DHX15: variants seen among roughly 807,000 people sequenced by gnomAD.
The protein encoded by DHX15 is ATP-dependent RNA helicase DHX15.
A neutral mutation model predicts 94.4 loss-of-function variants in DHX15; 11 were observed. The observed-to-expected ratio is 0.12, with a 90% CI of 0.07 to 0.19. The LOEUF is 0.19. Ranked by LOEUF, DHX15 falls within the 10% of genes least tolerant of loss-of-function variation. The pLI is 1.00. For missense variants in DHX15, 304 were observed against 988.5 expected (o/e 0.31, Z 9.29); for synonymous variants, 338 against 329.9 (o/e 1.02, Z -0.27).
At chr4:24,540,447 T>TA in intron 9 of DHX15, 148 bp from the exon 10 acceptor site, 2 of 649,762 alleles carry the variant, frequency 3.1e-6, no homozygotes, top group Non-Finnish European at 4.9e-6. Flanking sequence ...TATACAGATC[T>TA]AGCAAACAAT....
intron 6 of DHX15, among the ~76,000 whole-genome samples, chr4:24,545,728 C>T (rs1721408486): frequency 6.6e-6 from 1 of 152,166 alleles, no homozygotes; most frequent in South Asian, 2.1e-4. Flanking sequence ...TTGTAAATGG[C>T]ACACCATACA....
chr4:24,552,839 T>A (rs912825059), intron 5 of DHX15, among the ~76,000 whole-genome samples: 1 of 152,192 alleles, frequency 6.6e-6, no homozygotes, highest in African/African-American at 2.4e-5. Context: ...CACTCTAGCA[T>A]ACATCTGAAA....
intron 6 of DHX15, among the ~76,000 whole-genome samples, chr4:24,547,935 ATATATATCTATATC>A (rs1560765926): frequency 1.5e-3 from 75 of 49,012 alleles, no homozygotes; most frequent in African/African-American, 2.3e-3. Context: ...ATATATATAT[ATATATATCTATATC>A]TATATCTATA....
chr4:24,545,070 C>A (rs1451914764), intron 6 of DHX15, among the ~76,000 whole-genome samples: 1 of 152,116 alleles, frequency 6.6e-6, no homozygotes, highest in Non-Finnish European at 1.5e-5. Context: ...ATGATCATGG[C>A]ACAGAACTCC....
rs1721467206 is a variant in DHX15 at position 24,547,897 on chromosome 4, GTATGTGTATATATATATATATA to G, written c.1248+936_1248+957del. ...TCTCTCTCTCTCTCTCTCTATGTAT[GTATGTGTATATATATATATATA>G]TATATATATATATATATATATATCT... is the stretch of plus-strand genomic sequence containing the variant. On this transcript the variant is annotated intron_variant, in intron 6 of 13. Transcript: ENST00000336812. Among the ~76,000 whole-genome samples, 11 of 55,792 alleles carry G rather than the reference GTATGTGTATATATATATATATA, an allele frequency of 2.0e-4. 1 individual carries two copies. Among genetic ancestry groups the G allele is most frequent in the East Asian group, 6.2e-4 (1 of 1,612 alleles). The allele number at this position is 55,792 out of a possible 152,430, so 36.6% of individuals were successfully genotyped here.
chr4:24,571,048 C>T (rs1043807722), intron 2 of DHX15, among the ~76,000 whole-genome samples: 9 of 152,196 alleles, frequency 5.9e-5, no homozygotes, highest in Non-Finnish European at 1.2e-4. Context: ...ATATGACACA[C>T]ACCCAAGTTG....
intron 3 of DHX15, among the ~76,000 whole-genome samples, chr4:24,568,998 A>G (rs1722057958): frequency 6.6e-6 from 1 of 152,236 alleles, no homozygotes; most frequent in Non-Finnish European, 1.5e-5. Flanking sequence ...CTGCTATTAA[A>G]TATCACGCTG....
At chr4:24,573,719 G>T (rs1722175150) in intron 2 of DHX15, among the ~76,000 whole-genome samples, 1 of 152,026 alleles carries the variant, frequency 6.6e-6, no homozygotes, top group South Asian at 2.1e-4. Context: ...AGTCTCACCT[G>T]CCCCACCTCC....
At chr4:24,547,118 GA>G (rs1167781367) in intron 6 of DHX15, among the ~76,000 whole-genome samples, 1 of 152,112 alleles carries the variant, frequency 6.6e-6, no homozygotes, top group African/African-American at 2.4e-5. Context: ...CTCTCCCTAG[GA>G]CTGTCCAGGG....
At chr4:24,557,925 T>C (rs1018673919) in intron 3 of DHX15, among the ~76,000 whole-genome samples, 3 of 151,456 alleles carry the variant, frequency 2.0e-5, no homozygotes, top group African/African-American at 4.9e-5. Flanking sequence ...CAGCTTCCTC[T>C]ATTTGTGAGT....
chr4:24,527,532 T>A lies in DHX15; in HGVS notation c.*392A>T, dbSNP rs1720984685. On this transcript the variant is annotated 3_prime_UTR_variant, in exon 14 of 14. Coordinates refer to ENST00000336812, the MANE Select transcript of DHX15 (RefSeq NM_001358.3). The stretch of plus-strand genomic sequence containing the variant: ...CTCTGTACTGAGACAGAAGATTGTG[T>A]CTACATAAGCACAAGTTGTAACATT... 6.1e-6 allele frequency: 1 copy of A among 164,258 alleles called. No individual in the cohort carries two copies. Among genetic ancestry groups the A allele is most frequent in the Non-Finnish European group, 1.3e-5 (1 of 74,860 alleles). The allele number at this position is 164,258 out of a possible 1,614,324, so 10.2% of individuals were successfully genotyped here.
At chr4:24,531,736 A>C (rs1721088315) in intron 12 of DHX15, among the ~76,000 whole-genome samples, 1 of 152,056 alleles carries the variant, frequency 6.6e-6, no homozygotes, top group Non-Finnish European at 1.5e-5. Flanking sequence ...CCTCCCCCTA[A>C]AAAAGAACAG....
intron 11 of DHX15, among the ~76,000 whole-genome samples, chr4:24,536,592 T>C (rs1481773515): frequency 3.9e-5 from 6 of 152,232 alleles, no homozygotes; most frequent in Non-Finnish European, 8.8e-5. Context: ...TTCCATATCA[T>C]GTTTAGAGAC....
At chr4:24,558,144 ACT>A (rs1179608678) in intron 3 of DHX15, among the ~76,000 whole-genome samples, 2 of 152,152 alleles carry the variant, frequency 1.3e-5, no homozygotes, top group African/African-American at 4.8e-5. Flanking sequence ...ATTAGCAAAT[ACT>A]CTCAGTATAT....
At chr4:24,546,243 T>C (rs1056226486) in intron 6 of DHX15, among the ~76,000 whole-genome samples, 7 of 152,220 alleles carry the variant, frequency 4.6e-5, no homozygotes, top group Non-Finnish European at 1.0e-4. Flanking sequence ...CATTAAGTCT[T>C]TCTTTAAAAC....
Position 24,550,017 on chromosome 4 carries a change from C to T in DHX15, c.1081-995G>A, listed in dbSNP as rs112950093. On this transcript the variant is annotated intron_variant, in intron 5 of 13. Transcript: ENST00000336812. ...CTGAGGCGGGAGAATCGCTTGAACCCGGGACGCAGGAGGTTGCAATAAGCC... is the reference window on the plus strand; with the variant it reads ...CTGAGGCGGGAGAATCGCTTGAACCTGGGACGCAGGAGGTTGCAATAAGCC... 4.1e-3 allele frequency among the ~76,000 whole-genome samples: 566 copies of T among 138,812 alleles called. 8 individuals are homozygous for T. The highest frequency in any genetic ancestry group is 0.015 in the African/African-American group (541 of 37,172). The allele number at this position is 138,812 out of a possible 152,430, so 91.1% of individuals were successfully genotyped here.
At chr4:24,551,021 C>A (rs994791082) in intron 5 of DHX15, among the ~76,000 whole-genome samples, 6 of 152,050 alleles carry the variant, frequency 3.9e-5, no homozygotes, top group Admixed American at 2.6e-4. Flanking sequence ...TTTGTCTTGA[C>A]CAAAACGTTG....
intron 2 of DHX15, among the ~76,000 whole-genome samples, chr4:24,574,865 T>C (rs1722213586): frequency 6.6e-6 from 1 of 152,218 alleles, no homozygotes; most frequent in Non-Finnish European, 1.5e-5. Flanking sequence ...TCTTAAAATT[T>C]CCGTAAGGTG....
intron 12 of DHX15, chr4:24,530,012 G>A: frequency 3.7e-6 from 2 of 539,882 alleles, no homozygotes; most frequent in Non-Finnish European, 6.5e-6. Flanking sequence ...TAATTAGAAA[G>A]AAAAAATATC....
Sources: gnomAD v4.1 joint callset for allele counts (sites outside exome capture counted in the v4.1 genomes callset) on GRCh38, gnomAD v4.1.1 for gene constraint, MANE v1.5 for transcripts, NCBI Gene and HGNC (gene_info 2026-07-23, HGNC 2026-07-21) for gene names.